The following SERAC1 variants were observed in gnomAD, a reference collection of about 807,000 sequenced individuals.
The protein encoded by SERAC1 is protein SERAC1.
Under a neutral mutation model 85.7 loss-of-function variants are expected in SERAC1, and 36 were observed. That is an observed-to-expected ratio of 0.42 (90% CI 0.32 to 0.55). The LOEUF (loss-of-function observed/expected upper bound fraction) is 0.55, where lower values mean the gene tolerates loss of function less well. Ranked by LOEUF, SERAC1 falls within the 20% of genes least tolerant of loss-of-function variation. The pLI, the probability that SERAC1 is intolerant of heterozygous loss-of-function variation, is 0.11. For synonymous variants in SERAC1, 242 were observed against 265.3 expected (o/e 0.91, Z 0.85); for missense variants, 629 against 796.2 (o/e 0.79, Z 2.53).
chr6:158,119,776 T>C lies in SERAC1; in HGVS notation c.1167-606A>G, dbSNP rs1784377276. On this transcript the variant is annotated intron_variant, in intron 11 of 16. Coordinates refer to ENST00000647468, the MANE Select transcript of SERAC1 (RefSeq NM_032861.4). The surrounding 1 kb of genome is among the most constrained non-coding windows in gnomAD (Gnocchi z 4.5). The stretch of plus-strand genomic sequence containing the variant: ...GTAATTAACCAGGTAATCCACTTTT[T>C]AATTTAAAAGTTTTTGCTATTTTCT... Among the ~76,000 whole-genome samples the C allele has an allele frequency of 6.6e-6, 1 of 152,232 alleles. No homozygotes were observed. Among genetic ancestry groups the C allele is most frequent in the Non-Finnish European group, 1.5e-5 (1 of 68,032 alleles).
chr6:158,137,764 A>C (rs947968184), intron 8 of SERAC1, among the ~76,000 whole-genome samples: 1 of 152,120 alleles, frequency 6.6e-6, no homozygotes, highest in Non-Finnish European at 1.5e-5. Flanking sequence ...CTGTAGTCCC[A>C]GCTACTTGGG....
chr6:158,114,494 T>C (rs975347841), intron 15 of SERAC1: 4 of 1,156,486 alleles, frequency 3.5e-6, no homozygotes, highest in African/African-American at 1.6e-5. Context: ...AAGCCATTTA[T>C]TGGTAATTTG....
chr6:158,113,482 T>A lies in SERAC1; in HGVS notation c.1795A>T (p.Ile599Phe). The change falls in exon 16 of 17, where the codon ATT (isoleucine) becomes TTT (phenylalanine). Residue 599 changes from isoleucine (I) to phenylalanine (F), a missense_variant. By Grantham distance (21) the Ile-to-Phe change is conservative. Transcript: ENST00000647468. ...TCCACAGGTACCACATGGAGCTTAATCATGCTGCCAATGTAGGTTGGTAGT... is the reference window on the plus strand; with the variant it reads ...TCCACAGGTACCACATGGAGCTTAAACATGCTGCCAATGTAGGTTGGTAGT... ...ETLPTYIGSM[I>F]KLHVVPVESA... The A allele has an allele frequency of 6.2e-7, 1 of 1,614,068 alleles. No homozygotes were observed. The highest frequency in any genetic ancestry group is 1.1e-5 in the South Asian group (1 of 91,066).
chr6:158,121,394 G>A (rs1424788320), intron 10 of SERAC1, among the ~76,000 whole-genome samples: 21 of 152,106 alleles, frequency 1.4e-4, no homozygotes, highest in Non-Finnish European at 1.5e-5. Context: ...TATGGGCCTT[G>A]AAGTTAGACT....
chr6:158,131,716 C>T (rs193004929), intron 8 of SERAC1, among the ~76,000 whole-genome samples: 1 of 151,998 alleles, frequency 6.6e-6, no homozygotes, highest in Non-Finnish European at 1.5e-5. Context: ...AGTGCACATG[C>T]CCTTTAATAA....
chr6:158,116,088 A>G, intron 14 of SERAC1, 97 bp downstream of exon 14: 1 of 969,466 alleles, frequency 1.0e-6, no homozygotes, highest in South Asian at 1.4e-5. Context: ...GGGAGCCGCT[A>G]TTAAGTAAAA....
intron 8 of SERAC1, 125 bp downstream of exon 8, chr6:158,142,931 G>C: frequency 1.4e-6 from 1 of 718,476 alleles, no homozygotes; most frequent in Non-Finnish European, 2.4e-6. Context: ...ATCCAGCCCA[G>C]GGCATGACAC....
At chr6:158,127,356 C>G (rs1231669834) in intron 10 of SERAC1, among the ~76,000 whole-genome samples, 3 of 81,832 alleles carry the variant, frequency 3.7e-5, no homozygotes, top group Middle Eastern at 4.8e-3. Context: ...CCAGCCGCCC[C>G]GTCCGGGAGG....
At chr6:158,156,840 A>G (rs1380142460) in intron 2 of SERAC1, among the ~76,000 whole-genome samples, 2 of 138,644 alleles carry the variant, frequency 1.4e-5, no homozygotes, top group Non-Finnish European at 3.1e-5. Context: ...TATTATATAA[A>G]TATATTTTAT....
At chr6:158,155,432 C>A in intron 2 of SERAC1, 81 bp from the exon 3 acceptor site, 1 of 771,756 alleles carries the variant, frequency 1.3e-6, no homozygotes, top group Non-Finnish European at 2.2e-6. Context: ...AAGTCTCTAC[C>A]TATATCATAT....
chr6:158,160,215 CTT>C (rs1298913428), intron 1 of SERAC1, among the ~76,000 whole-genome samples: 2 of 146,058 alleles, frequency 1.4e-5, no homozygotes, highest in Non-Finnish European at 3.0e-5. Flanking sequence ...TTTTGTTGTC[CTT>C]TTTTTTTTTA....
At chr6:158,121,353 T>TATA (rs1784418849) in intron 10 of SERAC1, among the ~76,000 whole-genome samples, 1 of 152,108 alleles carries the variant, frequency 6.6e-6, no homozygotes, top group South Asian at 2.1e-4. Flanking sequence ...TATTTATTTA[T>TATA]ATAATTTATT....
chr6:158,155,243 G>C, intron 3 of SERAC1, 72 bp downstream of exon 3: 10 of 1,052,412 alleles, frequency 9.5e-6, no homozygotes, highest in Non-Finnish European at 1.5e-5. Flanking sequence ...CATGCAACCT[G>C]TCAATCACTG....
chr6:158,143,384 CAT>C lies in SERAC1; in HGVS notation c.610-202_610-201del, dbSNP rs10594923. On this transcript the variant is annotated intron_variant, in intron 7 of 16. Coordinates refer to ENST00000647468, the MANE Select transcript of SERAC1 (RefSeq NM_032861.4). ...ATATATATATATATATACACACACA[CAT>C]ATATATATGATATAGAGATCTAGGG... 0.89 allele frequency among the ~76,000 whole-genome samples: 131,571 copies of C among 148,078 alleles called. 58,581 individuals carry two copies. The highest frequency in any genetic ancestry group is 1 in the East Asian group (5,091 of 5,110).
At chr6:158,149,269 G>A (rs1217924166) in intron 4 of SERAC1, among the ~76,000 whole-genome samples, 1 of 152,196 alleles carries the variant, frequency 6.6e-6, no homozygotes, top group African/African-American at 2.4e-5. Flanking sequence ...TGGGATTACA[G>A]GCGTGAGCCA....
chr6:158,134,265 C>T (rs1784743686), intron 8 of SERAC1, among the ~76,000 whole-genome samples: 1 of 152,178 alleles, frequency 6.6e-6, no homozygotes, highest in South Asian at 2.1e-4. Context: ...CCAGCTCTAT[C>T]CACTGAAGGC....
chr6:158,120,951 T>C lies in SERAC1; in HGVS notation c.1016-376A>G, dbSNP rs1784405503. ...ATTATGAAACTCAGTGGGTTAATAC[T>C]AGTTATTTCATCCTGACCAGCAATC... On this transcript the variant is annotated intron_variant, in intron 10 of 16. Transcript: ENST00000647468. This position sits in a 1 kb window ranked among gnomAD's most constrained non-coding sequence, Gnocchi z 4.4. Among the ~76,000 whole-genome samples, 1 of 152,220 alleles carries C rather than the reference T, an allele frequency of 6.6e-6. No individual in the cohort carries two copies. Among genetic ancestry groups the C allele is most frequent in the African/African-American group, 2.4e-5 (1 of 41,470 alleles).
intron 9 of SERAC1, among the ~76,000 whole-genome samples, chr6:158,128,990 A>G (rs1392778027): frequency 9.2e-5 from 14 of 152,172 alleles, no homozygotes; most frequent in Admixed American, 9.2e-4. Flanking sequence ...ACATGACACC[A>G]TATGTACATA....
intron 12 of SERAC1, among the ~76,000 whole-genome samples, chr6:158,118,473 C>T (rs566048321): frequency 2.6e-5 from 4 of 151,954 alleles, no homozygotes; most frequent in African/African-American, 7.2e-5. Context: ...TATTAATTAG[C>T]CAGGCATGAT....
Sources: allele counts gnomAD v4.1 joint callset (sites outside exome capture counted in the v4.1 genomes callset), GRCh38; gene constraint gnomAD v4.1.1; non-coding constraint Gnocchi (gnomAD v3.1); transcripts MANE v1.5; gene names NCBI Gene and HGNC (gene_info 2026-07-23, HGNC 2026-07-21).